CACNA1C: variants seen among roughly 807,000 people sequenced by gnomAD.
CACNA1C encodes voltage-dependent L-type calcium channel subunit alpha-1C.
Under a neutral mutation model 229.0 loss-of-function variants are expected in CACNA1C, and 30 were observed. The observed-to-expected ratio is 0.13, with a 90% CI of 0.10 to 0.18. The LOEUF (loss-of-function observed/expected upper bound fraction) is 0.18. Among genes scored for constraint, CACNA1C ranks in the 10% least tolerant of loss-of-function variants. The probability of loss-of-function intolerance (pLI) is 1.00; values close to 1 mark genes in which losing one functional copy is unlikely to be tolerated. For synonymous variants in CACNA1C, 1,114 were observed against 1,132.5 expected (o/e 0.98, Z 0.33); for missense variants, 1,658 against 2,845.0 (o/e 0.58, Z 9.49).
chr12:2,180,104 T>C (rs2096789319), intron 3 of CACNA1C, among the ~76,000 whole-genome samples: 1 of 152,226 alleles, frequency 6.6e-6, no homozygotes, highest in Non-Finnish European at 1.5e-5. Context: ...TCTCGTTCCC[T>C]GTAACCCCAA....
At chr12:2,341,681 C>A (rs1302725424) in intron 3 of CACNA1C, among the ~76,000 whole-genome samples, 2 of 152,236 alleles carry the variant, frequency 1.3e-5, no homozygotes, top group Non-Finnish European at 2.9e-5. Flanking sequence ...AGGGCAAGAC[C>A]AGGTTCATCA....
chr12:2,232,253 G>GTTTT (rs769080037), intron 3 of CACNA1C, among the ~76,000 whole-genome samples: 1 of 74,878 alleles, frequency 1.3e-5, no homozygotes, highest in African/African-American at 5.3e-5. Context: ...TTTTTTTTTT[G>GTTTT]TTTGTTTGTT....
chr12:2,688,328 C>G, intron 45 of CACNA1C, 119 bp from the exon 46 acceptor site: 1 of 864,974 alleles, frequency 1.2e-6, no homozygotes. Flanking sequence ...CATGGGAATA[C>G]CAGGCAGGTG....
At chr12:2,404,046 C>A (rs1356332145) in intron 3 of CACNA1C, among the ~76,000 whole-genome samples, 2 of 152,236 alleles carry the variant, frequency 1.3e-5, no homozygotes, top group African/African-American at 4.8e-5. Flanking sequence ...AGGCTGGTCA[C>A]CTCTGGTTGT....
intron 1 of CACNA1C, among the ~76,000 whole-genome samples, chr12:2,066,488 GA>G (rs1435858472): frequency 6.6e-6 from 1 of 152,146 alleles, no homozygotes; most frequent in African/African-American, 2.4e-5. Flanking sequence ...ATGGAGTCGT[GA>G]AAGGGAAGAT....
At chr12:2,428,387 A>G (rs977448944) in intron 3 of CACNA1C, among the ~76,000 whole-genome samples, 7 of 152,302 alleles carry the variant, frequency 4.6e-5, no homozygotes, top group Non-Finnish European at 5.9e-5. Flanking sequence ...TTCTCCAGGA[A>G]GCCCTCACTC....
chr12:2,008,169 G>A (rs967887982), intron 1 of CACNA1C, among the ~76,000 whole-genome samples: 2 of 151,968 alleles, frequency 1.3e-5, no homozygotes, highest in African/African-American at 4.8e-5. Context: ...TCAGGCTGGA[G>A]TGCAGTGGCA....
rs1393539278 is a variant in CACNA1C at position 2,633,579 on chromosome 12, T to C, written c.3829-718T>C. 5 of 1,023,396 alleles carry C rather than the reference T, an allele frequency of 4.9e-6. No homozygotes were observed. Among genetic ancestry groups the C allele is most frequent in the Non-Finnish European group, 7.8e-6 (5 of 642,916 alleles). The allele number at this position is 1,023,396 out of a possible 1,614,324, so 63.4% of individuals were successfully genotyped here. A position where few individuals can be genotyped will look rare whatever the true frequency, so the allele number is the denominator to read the frequency against. ...ATGGTGGTGTTGCTCTGTTCTTGTC[T>C]GTCTAATATTCCTTTTTAATCCCCA... is the stretch of plus-strand genomic sequence containing the variant. On this transcript the variant is annotated intron_variant, in intron 29 of 46. Coordinates refer to ENST00000399655, the MANE Select transcript of CACNA1C (RefSeq NM_000719.7). The surrounding 1 kb of genome is among the most constrained non-coding windows in gnomAD (Gnocchi z 5.8).
chr12:2,484,556 C>G (rs958130127), intron 5 of CACNA1C, among the ~76,000 whole-genome samples: 4 of 152,102 alleles, frequency 2.6e-5, no homozygotes, highest in African/African-American at 7.2e-5. Flanking sequence ...GGGAGCCTCC[C>G]GATGGGTGTC....
At chr12:2,405,585 C>T (rs1214878246) in intron 3 of CACNA1C, among the ~76,000 whole-genome samples, 2 of 152,174 alleles carry the variant, frequency 1.3e-5, no homozygotes, top group African/African-American at 4.8e-5. Context: ...GAGTATATCT[C>T]TTCGTGTAGC....
intron 3 of CACNA1C, among the ~76,000 whole-genome samples, chr12:2,208,194 A>G (rs533428211): frequency 6.6e-6 from 1 of 152,226 alleles, no homozygotes; most frequent in East Asian, 1.9e-4. Flanking sequence ...TAAGCAAGGA[A>G]GCGGAAAACG....
chr12:2,692,406 A>C lies in CACNA1C; in HGVS notation c.*1207A>C, dbSNP rs2097798354. On this transcript the variant is annotated 3_prime_UTR_variant, in exon 47 of 47. Transcript: ENST00000399655. ...TGTGTGTGGTGGGTTGTCTGTGTGC[A>C]TATGTCCTGCCCGTGTATATGCACC... 1 of 152,580 alleles carries C rather than the reference A, an allele frequency of 6.6e-6. No homozygotes were observed. Among genetic ancestry groups the C allele is most frequent in the Non-Finnish European group, 1.5e-5 (1 of 68,064 alleles). The allele number at this position is 152,580 out of a possible 1,614,324, so 9.5% of individuals were successfully genotyped here.
intron 3 of CACNA1C, among the ~76,000 whole-genome samples, chr12:2,226,134 C>A (rs111362993): frequency 3.3e-4 from 21 of 64,294 alleles, no homozygotes; most frequent in South Asian, 1.0e-3. Flanking sequence ...CGCACACACA[C>A]ACACACACAC....
intron 3 of CACNA1C, among the ~76,000 whole-genome samples, chr12:2,154,899 A>G (rs908643996): frequency 1.3e-5 from 2 of 152,174 alleles, no homozygotes; most frequent in African/African-American, 2.4e-5. Flanking sequence ...GGTGTTGACA[A>G]AGCTCCCCAA....
At position 2,677,657 on chromosome 12, in the gene CACNA1C, G is replaced by C; in HGVS notation, c.4957-76G>C. ...CCAGGGCCCTGGAGGGACAGGTCTTGGCCCGAGGCTGTGGCTGGCTGGGGA... is the reference window on the plus strand; with the variant it reads ...CCAGGGCCCTGGAGGGACAGGTCTTCGCCCGAGGCTGTGGCTGGCTGGGGA... On this transcript the variant is annotated intron_variant, in intron 40 of 46. Transcript: ENST00000399655. This position sits in a 1 kb window ranked among gnomAD's most constrained non-coding sequence, Gnocchi z 7.4. 4 of 1,527,884 alleles carry C rather than the reference G, an allele frequency of 2.6e-6. No individual in the cohort carries two copies. The highest frequency in any genetic ancestry group is 3.6e-6 in the Non-Finnish European group (4 of 1,125,570). The allele number at this position is 1,527,884 out of a possible 1,614,324, so 94.6% of individuals were successfully genotyped here.
In CACNA1C at chr12:2,182,856, G is replaced by A. The variant is rs547483651; in HGVS notation, c.477+62426G>A. On this transcript the variant is annotated intron_variant, in intron 3 of 46. Transcript: ENST00000399655. ...GGGCGCGTGTGCAGACATCTTGCAGGCAGGGTTTAGATGGTGCTGTCCTCG... is the reference window on the plus strand; with the variant it reads ...GGGCGCGTGTGCAGACATCTTGCAGACAGGGTTTAGATGGTGCTGTCCTCG... Among the ~76,000 whole-genome samples, 7 of 152,228 alleles carry A rather than the reference G, an allele frequency of 4.6e-5. No individual in the cohort carries two copies. In the East Asian group the frequency reaches 1.2e-3, roughly 25 times the overall value.
At chr12:2,547,303 T>A (rs2099883151) in intron 9 of CACNA1C, 1 of 616,040 alleles carries the variant, frequency 1.6e-6, no homozygotes, top group Non-Finnish European at 2.9e-6. Flanking sequence ...ATTTATTGAA[T>A]TTTTTTTGTT....
In CACNA1C at chr12:2,544,973, G is replaced by A. The variant is rs551001374; in HGVS notation, c.1391-4970G>A. Among the ~76,000 whole-genome samples, 173 of 152,258 alleles carry A rather than the reference G, an allele frequency of 1.1e-3. 1 individual carries two copies. The highest frequency in any genetic ancestry group is 4.0e-3 in the African/African-American group (165 of 41,562). On this transcript the variant is annotated intron_variant, in intron 9 of 46. Transcript: ENST00000399655. ...CATACTTCTTAGATGTAATGGTTTC[G>A]CTGGGATTCAGAAAGCTGTAGTGAA...
rs755562891 is a variant in CACNA1C, at chr12:2,322,753, G to T, written c.478-126223G>T. On this transcript the variant is annotated intron_variant, in intron 3 of 46. Transcript: ENST00000399655. Reference sequence around the variant, plus strand: ...CTGTGGCATTGCCACCTGCCAGCTTGCCTGGGCTCGAATTTCAGCTCTATC... The same window carrying T: ...CTGTGGCATTGCCACCTGCCAGCTTTCCTGGGCTCGAATTTCAGCTCTATC... Among the ~76,000 whole-genome samples the T allele has an allele frequency of 9.2e-5, 14 of 152,210 alleles. 2 individuals carry two copies. The highest frequency in any genetic ancestry group is 5.9e-4 in the Admixed American group (9 of 15,290).
Sources: gnomAD v4.1 joint callset for allele counts (sites outside exome capture counted in the v4.1 genomes callset) on GRCh38, gnomAD v4.1.1 for gene constraint, Gnocchi (gnomAD v3.1) non-coding constraint, MANE v1.5 for transcripts, NCBI Gene and HGNC (gene_info 2026-07-23, HGNC 2026-07-21) for gene names.